Variants in KCTD10 observed in about 807,000 individuals in gnomAD.
KCTD10 encodes the protein potassium channel tetramerization domain containing 10.
KCTD10 carries 13 observed loss-of-function variants against 34.6 expected under a neutral mutation model. That is an observed-to-expected ratio of 0.38 (90% CI 0.24 to 0.60). KCTD10 has a LOEUF of 0.60. KCTD10 is among the 20% of genes least tolerant of loss of function. The pLI is 0.66. For synonymous variants in KCTD10, 156 were observed against 168.8 expected (o/e 0.92, Z 0.59); for missense variants, 256 against 420.3 (o/e 0.61, Z 3.42).
At chr12:109,457,552 G>A (rs1048784294) in intron 5 of KCTD10, 78 bp downstream of exon 5, 11 of 1,287,042 alleles carry the variant, frequency 8.5e-6, no homozygotes, top group South Asian at 3.6e-5. Flanking sequence ...CTGAAGGTAC[G>A]AAGAAGAGCT....
intron 6 of KCTD10, among the ~76,000 whole-genome samples, chr12:109,455,315 C>T (rs959067786): frequency 7.9e-5 from 12 of 152,108 alleles, no homozygotes; most frequent in Admixed American, 3.3e-4. Flanking sequence ...AAGCTGATGG[C>T]CCTTGACGTG....
rs1873842114 is a variant in KCTD10, at chr12:109,470,684, C to T, written c.4-956G>A. On this transcript the variant is annotated intron_variant, in intron 1 of 6. Transcript: ENST00000228495. ...AGCACATCACCCTCAGACAAGGCCA[C>T]TCTGTGCCCTTGCGACAAGACAAAA... 5.2e-6 allele frequency: 4 copies of T among 766,260 alleles called. No homozygotes were observed. In the South Asian group the frequency reaches 1.8e-4, roughly 34 times the overall value. The allele number at this position is 766,260 out of a possible 1,614,324, so 47.5% of individuals were successfully genotyped here. A position where few individuals can be genotyped will look rare whatever the true frequency, so the allele number is the denominator to read the frequency against.
At chr12:109,464,459 A>G (rs1216430742) in intron 2 of KCTD10, among the ~76,000 whole-genome samples, 1 of 152,222 alleles carries the variant, frequency 6.6e-6, no homozygotes, top group Non-Finnish European at 1.5e-5. Context: ...ATCCCAAAAA[A>G]TCACCCATTG....
rs748646000 is a variant in KCTD10 at position 109,456,321 on chromosome 12, AGAGCATTTGATACGGT to A, written c.528-24_528-9del. 6.2e-7 allele frequency: 1 copy of A among 1,612,970 alleles called. No homozygotes were observed. Among genetic ancestry groups the A allele is most frequent in the African/African-American group, 1.3e-5 (1 of 74,922 alleles). On this transcript the variant is annotated splice_polypyrimidine_tract_variant and intron_variant, in intron 5 of 6. Coordinates refer to ENST00000228495, the MANE Select transcript of KCTD10 (RefSeq NM_031954.5). ...ATATTGTCGTCAGAATTGCTGCAAAAGAGCATTTGATACGGTGACCACAAGCTGGTAAAAACTGCCA... is the reference window on the plus strand; with the variant it reads ...ATATTGTCGTCAGAATTGCTGCAAAAGACCACAAGCTGGTAAAAACTGCCA...
chr12:109,455,767 G>A (rs1872984909), intron 6 of KCTD10, among the ~76,000 whole-genome samples: 1 of 152,214 alleles, frequency 6.6e-6, no homozygotes. Flanking sequence ...GCAGCACTAT[G>A]CAGAGCAATC....
At chr12:109,458,123 A>C in intron 3 of KCTD10, 45 bp from the exon 4 acceptor site, 1 of 1,510,502 alleles carries the variant, frequency 6.6e-7, no homozygotes, top group Non-Finnish European at 9.2e-7. Context: ...CCTGCCTAGC[A>C]CTGCATTTTT....
rs1872789952 is a variant in KCTD10 at position 109,451,833 on chromosome 12, AG to A, written c.724-21del. On this transcript the variant is annotated intron_variant, in intron 6 of 6. Transcript: ENST00000228495. This position sits in a 1 kb window ranked among gnomAD's most constrained non-coding sequence, Gnocchi z 5.0. ...CTCCACCTGTGTTCCCACAGTATAC[AG>A]GGCAGGTAAGTTATGGCCCACCCCC... The A allele has an allele frequency of 1.3e-6, 2 of 1,589,276 alleles. No individual in the cohort carries two copies. Among genetic ancestry groups the A allele is most frequent in the Admixed American group, 1.7e-5 (1 of 58,558 alleles).
intron 2 of KCTD10, among the ~76,000 whole-genome samples, chr12:109,462,227 A>G (rs557105949): frequency 2.6e-5 from 4 of 152,366 alleles, no homozygotes; most frequent in East Asian, 3.9e-4. Context: ...AATTGCCAGG[A>G]AAGTTTGATA....
chr12:109,449,461 TCA>T lies in KCTD10; in HGVS notation c.*2132_*2133del, dbSNP rs1160788894. ...ACACTATGCAGCCAGGTGTGGTGAC[TCA>T]CACCTGTAATCCCAGCACTTTGGGA... On this transcript the variant is annotated 3_prime_UTR_variant, in exon 7 of 7. Coordinates refer to ENST00000228495, the MANE Select transcript of KCTD10 (RefSeq NM_031954.5). 6.6e-6 allele frequency: 1 copy of T among 152,234 alleles called. No homozygotes were observed. The highest frequency in any genetic ancestry group is 2.4e-5 in the African/African-American group (1 of 41,444). The allele number at this position is 152,234 out of a possible 1,614,324, so 9.4% of individuals were successfully genotyped here.
intron 6 of KCTD10, among the ~76,000 whole-genome samples, chr12:109,453,490 G>A (rs1268068335): frequency 6.6e-6 from 1 of 152,248 alleles, no homozygotes; most frequent in Non-Finnish European, 1.5e-5. Context: ...ACCATGCTCA[G>A]TCCTTTTCTT....
intron 1 of KCTD10, among the ~76,000 whole-genome samples, chr12:109,472,792 C>T (rs1011938854): frequency 1.3e-5 from 2 of 152,200 alleles, no homozygotes; most frequent in Admixed American, 6.5e-5. Flanking sequence ...CTGTTATATA[C>T]GCAGTCTGTC....
intron 2 of KCTD10, among the ~76,000 whole-genome samples, chr12:109,468,041 C>T (rs1004822906): frequency 6.6e-6 from 1 of 152,190 alleles, no homozygotes; most frequent in Non-Finnish European, 1.5e-5. Context: ...ATGCCTGCTT[C>T]CTCCAGCAGC....
intron 1 of KCTD10, among the ~76,000 whole-genome samples, chr12:109,473,064 C>T (rs1873965788): frequency 6.6e-6 from 1 of 152,178 alleles, no homozygotes; most frequent in Non-Finnish European, 1.5e-5. Flanking sequence ...TGGAAGACAG[C>T]TATAGTTATT....
At chr12:109,467,372 C>A (rs1010134980) in intron 2 of KCTD10, among the ~76,000 whole-genome samples, 2 of 152,210 alleles carry the variant, frequency 1.3e-5, no homozygotes, top group African/African-American at 4.8e-5. Context: ...GTAATCCCAG[C>A]ATTTTGGGAG....
At chr12:109,468,653 C>CTTTTTT (rs34623703) in intron 2 of KCTD10, among the ~76,000 whole-genome samples, 2 of 132,460 alleles carry the variant, frequency 1.5e-5, no homozygotes, top group African/African-American at 2.8e-5. Flanking sequence ...AATTCTTTGC[C>CTTTTTT]TTTTTTTTTT....
intron 1 of KCTD10, among the ~76,000 whole-genome samples, chr12:109,473,020 T>C (rs1873962642): frequency 6.9e-6 from 1 of 145,944 alleles, no homozygotes; most frequent in South Asian, 2.2e-4. Flanking sequence ...CCACTGCATT[T>C]CTACCACATG....
At position 109,460,667 on chromosome 12, in the gene KCTD10, C is replaced by T; in HGVS notation, c.356G>A (p.Gly119Asp). ...LAEAKYYLVQ[G>D]LVEECQAALQ... The stretch of plus-strand genomic sequence containing the variant: ...GGCCGCCTGGCACTCTTCCACCAGG[C>T]CTTGGACTAGGTAGTACTTGGCTTC... The change falls in exon 3 of 7, where the codon GGC (glycine) becomes GAC (aspartate). Residue 119 changes from glycine (G) to aspartate (D), a missense_variant. Around this residue, in one of 3 missense-constraint regions of KCTD10, gnomAD observed 155 missense variants for 207.0 expected, o/e 0.75. Coordinates refer to ENST00000228495, the MANE Select transcript of KCTD10 (RefSeq NM_031954.5). This position sits in a 1 kb window ranked among gnomAD's most constrained non-coding sequence, Gnocchi z 4.5. 6.2e-7 allele frequency: 1 copy of T among 1,614,098 alleles called. No homozygotes were observed. Among genetic ancestry groups the T allele is most frequent in the African/African-American group, 1.3e-5 (1 of 75,042 alleles).
rs1872651661 is a variant in KCTD10, at chr12:109,449,529, A to T, written c.*2066T>A. The stretch of plus-strand genomic sequence containing the variant: ...ATCACAGGGTCAGGAGTTCAAGACC[A>T]GCCTGGCCAACATGGTGAAACCCCA... On this transcript the variant is annotated 3_prime_UTR_variant, in exon 7 of 7. Coordinates refer to ENST00000228495, the MANE Select transcript of KCTD10 (RefSeq NM_031954.5). The T allele has an allele frequency of 6.6e-6, 1 of 152,284 alleles. No homozygotes were observed. Among genetic ancestry groups the T allele is most frequent in the Non-Finnish European group, 1.5e-5 (1 of 68,092 alleles). 9.4% of individuals were successfully genotyped at this position (152,284 alleles called of 1,614,324 possible). A position where few individuals can be genotyped will look rare whatever the true frequency, so the allele number is the denominator to read the frequency against.
At chr12:109,467,249 C>G (rs915912175) in intron 2 of KCTD10, among the ~76,000 whole-genome samples, 1 of 152,240 alleles carries the variant, frequency 6.6e-6, no homozygotes, top group Admixed American at 6.5e-5. Flanking sequence ...CATTTCACCT[C>G]TGAAATGGGG....
Sources: allele counts gnomAD v4.1 joint callset (sites outside exome capture counted in the v4.1 genomes callset), GRCh38; gene constraint gnomAD v4.1.1; regional missense constraint gnomAD v4.1.1; non-coding constraint Gnocchi (gnomAD v3.1); transcripts MANE v1.5; gene names NCBI Gene and HGNC (gene_info 2026-07-23, HGNC 2026-07-21).